TRDN: variants seen among roughly 807,000 people sequenced by gnomAD.
TRDN encodes triadin.
Under a neutral mutation model 149.7 loss-of-function variants are expected in TRDN, and 161 were observed. The observed-to-expected ratio is 1.08, with a 90% CI of 0.95 to 1.23. The LOEUF is 1.23. Ranked by LOEUF, TRDN falls within the 50% of genes most tolerant of loss-of-function variation. The probability of loss-of-function intolerance (pLI) is 0.00; values close to 1 mark genes in which losing one functional copy is unlikely to be tolerated. For missense variants in TRDN, 896 were observed against 823.5 expected, an observed-to-expected ratio of 1.09 and a Z score of -1.08; for synonymous variants, 294 against 250.5, an observed-to-expected ratio of 1.17 and a Z score of -1.64.
At chr6:123,420,843 G>C (rs1481967330) in intron 12 of TRDN, among the ~76,000 whole-genome samples, 1 of 152,126 alleles carries the variant, frequency 6.6e-6, no homozygotes, top group Non-Finnish European at 1.5e-5. Flanking sequence ...ATAAATTAAT[G>C]GAAAAAATTT....
chr6:123,329,651 T>C (rs1203729511), intron 23 of TRDN, among the ~76,000 whole-genome samples: 5 of 151,984 alleles, frequency 3.3e-5, no homozygotes, highest in Non-Finnish European at 1.5e-5. Flanking sequence ...GCTGGTTGTT[T>C]GGAACAAAAA....
At chr6:123,370,086 T>C (rs1781264413) in intron 19 of TRDN, among the ~76,000 whole-genome samples, 1 of 152,162 alleles carries the variant, frequency 6.6e-6, no homozygotes, top group African/African-American at 2.4e-5. Flanking sequence ...ATAACATTTG[T>C]GCACATTCTA....
intron 1 of TRDN, among the ~76,000 whole-genome samples, chr6:123,636,147 T>C (rs1786302353): frequency 6.6e-6 from 1 of 151,954 alleles, no homozygotes; most frequent in Non-Finnish European, 1.5e-5. Flanking sequence ...GGAATTCCAG[T>C]CTTTATCTCT....
intron 1 of TRDN, among the ~76,000 whole-genome samples, chr6:123,630,812 T>C (rs1225330333): frequency 6.6e-6 from 1 of 152,020 alleles, no homozygotes; most frequent in Non-Finnish European, 1.5e-5. Context: ...ATTTGAACAA[T>C]TTAAAAAACA....
At chr6:123,544,525 A>T (rs1202697395) in intron 4 of TRDN, among the ~76,000 whole-genome samples, 2 of 152,070 alleles carry the variant, frequency 1.3e-5, no homozygotes, top group Admixed American at 6.6e-5. Context: ...CAGATCCATG[A>T]TGTATACCCT....
At chr6:123,554,699 A>G (rs1781559768) in intron 2 of TRDN, among the ~76,000 whole-genome samples, 1 of 152,116 alleles carries the variant, frequency 6.6e-6, no homozygotes, top group South Asian at 2.1e-4. Context: ...CCTCATTCCC[A>G]TCCCACCGCC....
intron 18 of TRDN, among the ~76,000 whole-genome samples, chr6:123,377,466 A>G (rs1419424126): frequency 1.3e-5 from 2 of 152,144 alleles, no homozygotes; most frequent in African/African-American, 4.8e-5. Context: ...TTCATTTCTA[A>G]TAACATTTTG....
At chr6:123,630,380 T>C (rs754612821) in intron 1 of TRDN, among the ~76,000 whole-genome samples, 10 of 152,018 alleles carry the variant, frequency 6.6e-5, no homozygotes, top group Non-Finnish European at 1.3e-4. Context: ...AAGGTCAATG[T>C]AGATGATTTT....
intron 1 of TRDN, among the ~76,000 whole-genome samples, chr6:123,573,269 T>C (rs1782669419): frequency 6.6e-6 from 1 of 152,122 alleles, no homozygotes; most frequent in Non-Finnish European, 1.5e-5. Context: ...TTTGCAGGTG[T>C]GTGATGGTGG....
intron 21 of TRDN, among the ~76,000 whole-genome samples, chr6:123,348,650 A>C (rs1182397338): frequency 6.6e-6 from 1 of 152,136 alleles, no homozygotes; most frequent in African/African-American, 2.4e-5. Flanking sequence ...GCAGCTTGTA[A>C]TATACTTTCT....
chr6:123,572,052 G>A (rs931543317), intron 1 of TRDN, among the ~76,000 whole-genome samples: 2 of 152,052 alleles, frequency 1.3e-5, no homozygotes, highest in African/African-American at 2.4e-5. Context: ...GTATTTGAAA[G>A]TTAGTATCTT....
chr6:123,372,714 TC>T (rs1234916906), intron 19 of TRDN, among the ~76,000 whole-genome samples: 7 of 152,162 alleles, frequency 4.6e-5, no homozygotes, highest in African/African-American at 1.7e-4. Context: ...CTATATTTCT[TC>T]TTGAAGATTC....
At chr6:123,289,144 T>A (rs1777910278) in intron 24 of TRDN, among the ~76,000 whole-genome samples, 1 of 147,080 alleles carries the variant, frequency 6.8e-6, no homozygotes, top group South Asian at 2.1e-4. Context: ...ATGTTATATA[T>A]ATTATATATA....
chr6:123,510,038 C>A (rs1417984433), intron 7 of TRDN: 1 of 152,058 alleles, frequency 6.6e-6, no homozygotes, highest in Non-Finnish European at 1.5e-5. Flanking sequence ...ATACATCTAT[C>A]ACATATGATT....
intron 12 of TRDN, among the ~76,000 whole-genome samples, chr6:123,413,764 T>A (rs1356419388): frequency 6.6e-6 from 1 of 152,116 alleles, no homozygotes; most frequent in African/African-American, 2.4e-5. Flanking sequence ...TTGCCTATTA[T>A]AACAGACATG....
In TRDN at chr6:123,261,471, C is replaced by T. The variant is rs553803312; in HGVS notation, c.1805-833G>A. ...TCTTCTTGTTCCTTCAGTAAACTTACAGATTAATATTTCTAAGTATAACCT... is the reference window on the plus strand; with the variant it reads ...TCTTCTTGTTCCTTCAGTAAACTTATAGATTAATATTTCTAAGTATAACCT... On this transcript the variant is annotated intron_variant, in intron 33 of 40. Transcript: ENST00000334268. Among the ~76,000 whole-genome samples the T allele has an allele frequency of 9.9e-4, 151 of 151,780 alleles. 3 individuals are homozygous for T. In the South Asian group the frequency reaches 0.019, roughly 19 times the overall value.
intron 13 of TRDN, among the ~76,000 whole-genome samples, chr6:123,392,050 C>T (rs935973494): frequency 1.2e-4 from 18 of 152,014 alleles, no homozygotes; most frequent in Non-Finnish European, 5.9e-5. Flanking sequence ...TTTTAGTAAA[C>T]GCATACACAG....
At chr6:123,489,619 T>G (rs910092641) in intron 9 of TRDN, 2 of 152,210 alleles carry the variant, frequency 1.3e-5, no homozygotes, top group African/African-American at 4.8e-5. Flanking sequence ...AGGCACTTTA[T>G]GGAAACTTCA....
intron 1 of TRDN, among the ~76,000 whole-genome samples, chr6:123,612,315 T>C (rs56049531): frequency 0.13 from 18,788 of 144,374 alleles, 2,040 homozygotes; most frequent in African/African-American, 0.29. Context: ...TGCTAAATGA[T>C]GAGTTAATGG....
Sources: gnomAD v4.1 joint callset for allele counts (sites outside exome capture counted in the v4.1 genomes callset) on GRCh38, gnomAD v4.1.1 for gene constraint, MANE v1.5 for transcripts, NCBI Gene and HGNC (gene_info 2026-07-23, HGNC 2026-07-21) for gene names.